TENM1: variants seen among roughly 807,000 people sequenced by gnomAD.
The protein encoded by TENM1 is teneurin-1.
Under a neutral mutation model 174.8 loss-of-function variants are expected in TENM1, and 35 were observed. That is an observed-to-expected ratio of 0.20 (90% confidence interval 0.15 to 0.27). The LOEUF is 0.27. Among genes scored for constraint, TENM1 ranks in the 10% least tolerant of loss-of-function variants. The pLI, the probability that TENM1 is intolerant of heterozygous loss-of-function variation, is 1.00. For missense variants in TENM1, 1,633 were observed against 2,130.1 expected, an observed-to-expected ratio of 0.77 and a Z score of 4.59; for synonymous variants, 781 against 798.7, an observed-to-expected ratio of 0.98 and a Z score of 0.37.
chrX:124,471,541 A>C lies in TENM1; in HGVS notation c.3949+10191T>G, dbSNP rs868822280. ...AATATATAATATATAATATATAGTAATATATTATATATAATTATATAATAC... is the reference window on the plus strand; with the variant it reads ...AATATATAATATATAATATATAGTACTATATTATATATAATTATATAATAC... On this transcript the variant is annotated intron_variant, in intron 22 of 31. Coordinates refer to ENST00000422452, the Ensembl canonical transcript of TENM1. 6.0e-3 allele frequency among the ~76,000 whole-genome samples: 430 copies of C among 72,006 alleles called. 8 individuals carry two copies. The highest frequency in any genetic ancestry group is 9.7e-3 in the Middle Eastern group (1 of 103). The allele number at this position is 72,006 out of a possible 115,157, so 62.5% of individuals were successfully genotyped here. A position where few individuals can be genotyped will look rare whatever the true frequency, so the allele number is the denominator to read the frequency against.
chrX:124,706,262 T>C (rs1193093776), intron 4 of TENM1, among the ~76,000 whole-genome samples: 1 of 112,275 alleles, frequency 8.9e-6, no homozygotes, highest in Non-Finnish European at 1.9e-5. Flanking sequence ...TCCCTTCATA[T>C]ATTTTAACTC....
the TENM1 span, among the ~76,000 whole-genome samples, chrX:125,024,385 C>CA: frequency 1.9e-5 from 2 of 105,594 alleles, no homozygotes; most frequent in Non-Finnish European, 3.9e-5. Flanking sequence ...CACACACACA[C>CA]CACACACACA....
chrX:125,133,263 G>GCC, the TENM1 span, among the ~76,000 whole-genome samples: 1 of 111,646 alleles, frequency 9.0e-6, no homozygotes, highest in Non-Finnish European at 1.9e-5. Context: ...TAAAGGGAGG[G>GCC]CCTTTAGGGA....
At chrX:124,504,062 C>T (rs922337354) in intron 18 of TENM1, among the ~76,000 whole-genome samples, 1 of 111,810 alleles carries the variant, frequency 8.9e-6, no homozygotes, top group African/African-American at 3.3e-5. Flanking sequence ...GGTAGTATTT[C>T]TCTCTGCCTT....
intron 14 of TENM1, among the ~76,000 whole-genome samples, chrX:124,558,659 A>G (rs2048745979): frequency 8.9e-6 from 1 of 111,735 alleles, no homozygotes; most frequent in African/African-American, 3.2e-5. Flanking sequence ...TAATATTTGA[A>G]CAGTATAAAA....
chrX:124,873,031 T>A (rs1463548791), intron 3 of TENM1, among the ~76,000 whole-genome samples: 3 of 111,837 alleles, frequency 2.7e-5, no homozygotes, highest in Non-Finnish European at 5.7e-5. Context: ...AATTTCTATT[T>A]ATGTTAAATT....
chrX:125,172,321 A>AT, the TENM1 span, among the ~76,000 whole-genome samples: 4 of 99,248 alleles, frequency 4.0e-5, no homozygotes, highest in Non-Finnish European at 8.0e-5. Context: ...ATTCAACCTC[A>AT]CCCCCCCCCA....
intron 5 of TENM1, among the ~76,000 whole-genome samples, chrX:124,692,373 A>C (rs942059405): frequency 1.8e-5 from 2 of 111,113 alleles, no homozygotes; most frequent in Non-Finnish European, 3.8e-5. Flanking sequence ...TCTGTATATC[A>C]AACTCCCTTG....
chrX:124,678,370 C>A lies in TENM1; in HGVS notation c.1016-6535G>T, dbSNP rs1423690185. ...CATTTTTTAAATGCATAGAAAGAGA[C>A]CTGAAAAATGAATACCAAACTATTG... On this transcript the variant is annotated intron_variant, in intron 5 of 31. Transcript: ENST00000422452. 2.7e-5 allele frequency among the ~76,000 whole-genome samples: 3 copies of A among 110,727 alleles called. No homozygotes were observed. In the Admixed American group the frequency reaches 2.9e-4, roughly 11 times the overall value.
intron 11 of TENM1, among the ~76,000 whole-genome samples, chrX:124,573,692 GA>G (rs1489401818): frequency 3.6e-5 from 4 of 111,917 alleles, no homozygotes; most frequent in African/African-American, 1.3e-4. Context: ...ATGAATGAGG[GA>G]ATCCTCTACA....
rs774726166 is a variant in TENM1 at position 124,847,545 on chromosome X, T to C, written c.535+46751A>G. 5.4e-5 allele frequency among the ~76,000 whole-genome samples: 6 copies of C among 110,575 alleles called. No individual in the cohort carries two copies. In the South Asian group the frequency reaches 1.1e-3, roughly 21 times the overall value. ...ATGATCGATCCATAAATTGTAGACA[T>C]AATTAATTGAATGTGTGTGTGTGTG... On this transcript the variant is annotated intron_variant, in intron 3 of 31. Transcript: ENST00000422452.
chrX:124,761,130 T>C (rs1001668563), intron 3 of TENM1, among the ~76,000 whole-genome samples: 1 of 111,180 alleles, frequency 9.0e-6, no homozygotes, highest in African/African-American at 3.3e-5. Flanking sequence ...TGTGGAAAAC[T>C]GTGGCGATTC....
chrX:124,926,148 A>G (rs1309821386), intron 1 of TENM1, among the ~76,000 whole-genome samples: 1 of 112,539 alleles, frequency 8.9e-6, no homozygotes. Context: ...AGAAAAGAAT[A>G]TGGAAACATA....
At chrX:125,162,395 A>G in the TENM1 span, among the ~76,000 whole-genome samples, 5 of 112,247 alleles carry the variant, frequency 4.5e-5, no homozygotes, top group African/African-American at 1.6e-4. Flanking sequence ...CTGCAATATG[A>G]TATGTGCTCT....
intron 13 of TENM1, 139 bp from the exon 17 acceptor site, chrX:124,561,956 G>C (rs2048827984): frequency 1.7e-6 from 1 of 605,044 alleles, no homozygotes; most frequent in Non-Finnish European, 2.5e-6. Context: ...AGAGGAGCTT[G>C]CTTGCCTGCA....
intron 11 of TENM1, among the ~76,000 whole-genome samples, chrX:124,610,796 ATAT>A (rs766005291): frequency 2.2e-4 from 25 of 111,696 alleles, no homozygotes; most frequent in Non-Finnish European, 4.7e-4. Context: ...TTCTAAAATG[ATAT>A]TATAATTAAT....
the TENM1 span, among the ~76,000 whole-genome samples, chrX:125,124,709 C>T: frequency 8.9e-6 from 1 of 112,333 alleles, no homozygotes; most frequent in African/African-American, 3.2e-5. Flanking sequence ...GGCAGAATTT[C>T]TTGATTCCAA....
chrX:125,120,373 T>G, the TENM1 span, among the ~76,000 whole-genome samples: 1 of 110,968 alleles, frequency 9.0e-6, no homozygotes, highest in South Asian at 3.9e-4. Context: ...GTTACATAGG[T>G]AAGCATGTGC....
intron 21 of TENM1, among the ~76,000 whole-genome samples, chrX:124,482,177 T>C (rs375897726): frequency 1.2e-4 from 13 of 110,511 alleles, no homozygotes; most frequent in African/African-American, 4.3e-4. Flanking sequence ...TTCATAATGA[T>C]GCTGACATTC....
Sources: allele counts gnomAD v4.1 joint callset (sites outside exome capture counted in the v4.1 genomes callset), GRCh38; gene constraint gnomAD v4.1.1; transcripts MANE v1.5; gene names NCBI Gene and HGNC (gene_info 2026-07-23, HGNC 2026-07-21).